COL6A3: variants seen among roughly 807,000 people sequenced by gnomAD.
COL6A3 encodes collagen type VI alpha 3 chain, also known as collagen alpha-3(VI) chain.
Under a neutral mutation model 274.1 loss-of-function variants are expected in COL6A3, and 137 were observed. That is an observed-to-expected ratio of 0.50 (90% confidence interval 0.44 to 0.58). The LOEUF (loss-of-function observed/expected upper bound fraction) is 0.58. Among genes scored for constraint, COL6A3 ranks in the 20% least tolerant of loss-of-function variants. The probability of loss-of-function intolerance (pLI) is 0.00; values close to 1 mark genes in which losing one functional copy is unlikely to be tolerated. For missense variants in COL6A3, 3,950 were observed against 4,124.9 expected, an observed-to-expected ratio of 0.96 and a Z score of 1.16; for synonymous variants, 1,650 against 1,650.6, an observed-to-expected ratio of 1.00 and a Z score of 0.01.
chr2:237,395,687 G>A (rs1477884677), intron 2 of COL6A3, among the ~76,000 whole-genome samples: 3 of 152,202 alleles, frequency 2.0e-5, no homozygotes, highest in African/African-American at 7.2e-5. Context: ...AATGCTTTGG[G>A]TAATTTGCGT....
chr2:237,335,790 T>C (rs1014606747), intron 40 of COL6A3, among the ~76,000 whole-genome samples: 1 of 152,204 alleles, frequency 6.6e-6, no homozygotes, highest in African/African-American at 2.4e-5. Context: ...TTTCTTTCTG[T>C]CTCTCTCACT....
At chr2:237,342,708 A>C (rs12105619) in intron 36 of COL6A3, 2,590 of 158,316 alleles carry the variant, frequency 0.016, 80 homozygotes, top group African/African-American at 0.057. Context: ...ATAATTAATG[A>C]ATGAACAATT....
intron 32 of COL6A3, among the ~76,000 whole-genome samples, chr2:237,345,822 A>G (rs551458380): frequency 6.6e-6 from 1 of 152,292 alleles, no homozygotes; most frequent in South Asian, 2.1e-4. Flanking sequence ...CTACTTAAAG[A>G]CAGCAATCAG....
At chr2:237,334,195 G>A (rs750863328) in intron 41 of COL6A3, among the ~76,000 whole-genome samples, 3 of 152,168 alleles carry the variant, frequency 2.0e-5, no homozygotes, top group East Asian at 1.9e-4. Flanking sequence ...CCCCCGGGGC[G>A]GTGAGACTTC....
rs762465902 is a variant in COL6A3, at chr2:237,368,618, G to A, written c.4845C>T (p.Pro1615=). ...CTGGAGGTGCAGGAGTGGCTGCGGA[G>A]GGTCCAAACGAGTTCATGATTCTTT... ...IEERIMNSFG[P]SAATPAPPGV... Residue 1615 remains proline (P), a synonymous_variant, in exon 10 of 44, where the codon CCC becomes CCT. Transcript: ENST00000295550. This position sits in a 1 kb window ranked among gnomAD's most constrained non-coding sequence, Gnocchi z 4.4. 3.1e-6 allele frequency: 5 copies of A among 1,614,136 alleles called. No homozygotes were observed. The highest frequency in any genetic ancestry group is 1.1e-5 in the South Asian group (1 of 91,072).
Position 237,372,261 on chromosome 2 carries a change from G to A in COL6A3, c.3756C>T (p.Arg1252=). ...QSAGPEFQYV[R]TLIERLVDYL... ...AGTCAACCAGCCTCTCTATGAGGGT[G>A]CGAACGTACTGGAACTCAGGCCCGG... The change falls in exon 9 of 44, where the codon CGC becomes CGT. Residue 1252 remains arginine, a synonymous_variant. Coordinates refer to ENST00000295550, the MANE Select transcript of COL6A3 (RefSeq NM_004369.4). 6.2e-7 allele frequency: 1 copy of A among 1,613,782 alleles called. No homozygotes were observed. The highest frequency in any genetic ancestry group is 8.5e-7 in the Non-Finnish European group (1 of 1,180,048).
rs2078458163 is a variant in COL6A3, at chr2:237,396,981, A to C, written c.-30-134T>G. ...TTGTATCTGATTCATTCTTTGAACC[A>C]GCAGCAAAAGGATGGATGATAGACA... is the stretch of plus-strand genomic sequence containing the variant. On this transcript the variant is annotated intron_variant, in intron 1 of 43. Coordinates refer to ENST00000295550, the MANE Select transcript of COL6A3 (RefSeq NM_004369.4). 6.0e-6 allele frequency: 4 copies of C among 661,856 alleles called. No individual in the cohort carries two copies. The East Asian group carries it at 1.1e-4, about 18-fold the overall frequency. The allele number at this position is 661,856 out of a possible 1,614,324, so 41.0% of individuals were successfully genotyped here. A position where few individuals can be genotyped will look rare whatever the true frequency, so the allele number is the denominator to read the frequency against.
In COL6A3 at chr2:237,413,741, A is replaced by G. The variant is rs1221432939; in HGVS notation, c.-31+212T>C. 6.6e-6 allele frequency among the ~76,000 whole-genome samples: 1 copy of G among 152,196 alleles called. No individual in the cohort carries two copies. The highest frequency in any genetic ancestry group is 1.5e-5 in the Non-Finnish European group (1 of 68,030). Reference sequence around the variant, plus strand: ...GGAAAAGTGCTCACACTCTTAGGCAATCATGACCTTAACCAATTTAAGGAA... The same window carrying G: ...GGAAAAGTGCTCACACTCTTAGGCAGTCATGACCTTAACCAATTTAAGGAA... On this transcript the variant is annotated intron_variant, in intron 1 of 43. Transcript: ENST00000295550. The surrounding 1 kb of genome is among the most constrained non-coding windows in gnomAD (Gnocchi z 4.0).
chr2:237,363,352 C>T lies in COL6A3; in HGVS notation c.5964G>A (p.Leu1988=). The change falls in exon 14 of 44, where the codon TTG becomes TTA. Residue 1988 remains leucine (L), a synonymous_variant. Coordinates refer to ENST00000295550, the MANE Select transcript of COL6A3 (RefSeq NM_004369.4). ...ILVGLERVVN[L]ERLMHLEFGR... ...CAAACTCCAGATGCATTAGCCGCTC[C>T]AAGTTGACCACTCGTTCAAGGCCCA... 1 of 1,614,160 alleles carries T rather than the reference C, an allele frequency of 6.2e-7. No homozygotes were observed. Among genetic ancestry groups the T allele is most frequent in the Non-Finnish European group, 8.5e-7 (1 of 1,180,048 alleles).
intron 17 of COL6A3, 119 bp downstream of exon 17, chr2:237,359,969 G>A (rs556662923): frequency 2.0e-6 from 2 of 1,014,936 alleles, no homozygotes; most frequent in Non-Finnish European, 3.1e-6. Context: ...GAGGTCACGG[G>A]CTGCTGAATG....
chr2:237,385,207 C>A (rs1205483495), intron 4 of COL6A3, among the ~76,000 whole-genome samples: 1 of 152,188 alleles, frequency 6.6e-6, no homozygotes, highest in Non-Finnish European at 1.5e-5. Flanking sequence ...TCCCCATTAT[C>A]CTGTAACAGA....
intron 42 of COL6A3, chr2:237,326,732 T>C (rs1260228576): frequency 6.6e-6 from 1 of 152,342 alleles, no homozygotes; most frequent in Middle Eastern, 3.4e-3. Context: ...CTTCTCCATC[T>C]CCTTTGTCCC....
At chr2:237,392,151 A>G (rs2078305101) in intron 3 of COL6A3, among the ~76,000 whole-genome samples, 1 of 152,216 alleles carries the variant, frequency 6.6e-6, no homozygotes, top group South Asian at 2.1e-4. Context: ...CAGCCCCGTT[A>G]AAGCTGAAAT....
rs1189511183 is a variant in COL6A3 at position 237,380,909 on chromosome 2, C to T, written c.1897+6G>A. 3 of 1,613,022 alleles carry T rather than the reference C, an allele frequency of 1.9e-6. No homozygotes were observed. The highest frequency in any genetic ancestry group is 2.5e-6 in the Non-Finnish European group (3 of 1,179,520). ...CATTGTGTGTCTGAAGCCATCACCA[C>T]CATACCTTCAGGGGTTCCAGAGAGG... On this transcript the variant is annotated splice_donor_region_variant and intron_variant, in intron 5 of 43. Coordinates refer to ENST00000295550, the MANE Select transcript of COL6A3 (RefSeq NM_004369.4).
chr2:237,327,508 A>C (rs1388929312), intron 42 of COL6A3: 1 of 152,236 alleles, frequency 6.6e-6, no homozygotes, highest in Non-Finnish European at 1.5e-5. Context: ...CCAGTTCCAC[A>C]CCACGGCACT....
chr2:237,388,225 A>C (rs2078203727), intron 3 of COL6A3, 41 bp from the exon 4 acceptor site: 1 of 1,612,146 alleles, frequency 6.2e-7, no homozygotes, highest in Non-Finnish European at 8.5e-7. Context: ...AAGCATTAGA[A>C]CAAGTGACCA....
intron 39 of COL6A3, 62 bp from the exon 40 acceptor site, chr2:237,336,594 T>C (rs1700566405): frequency 9.0e-6 from 14 of 1,559,946 alleles, no homozygotes; most frequent in Non-Finnish European, 1.2e-5. Context: ...AATAAAGACA[T>C]AACCCCATGA....
Position 237,336,348 on chromosome 2 carries a change from C to T in COL6A3, c.8752G>A (p.Val2918Met). The T allele has an allele frequency of 2.5e-6, 4 of 1,613,568 alleles. No homozygotes were observed. In the South Asian group the frequency reaches 3.3e-5, roughly 13 times the overall value. The change falls in exon 40 of 44, where the codon GTG becomes ATG. Residue 2918 changes from valine to methionine, a missense_variant. Transcript: ENST00000295550. ...TTTGTGGCCACAGGCTTGGCAGCCACAGGTTTCGCAGGGGCCGGCTTTGCA... is the reference window on the plus strand; with the variant it reads ...TTTGTGGCCACAGGCTTGGCAGCCATAGGTTTCGCAGGGGCCGGCTTTGCA... The part of the protein sequence containing the change: ...AAAKPAPAKP[V>M]AAKPVATKMA...
chr2:237,351,147 C>A lies in COL6A3; in HGVS notation c.6799G>T (p.Gly2267Cys), dbSNP rs749855513. ...AGACAAACCTTTCTTCCCAGTGGACCGGTTCTGCCTCGTTCTCCAGGAGCA... is the reference window on the plus strand; with the variant it reads ...AGACAAACCTTTCTTCCCAGTGGACAGGTTCTGCCTCGTTCTCCAGGAGCA... The part of the protein sequence containing the change: ...AGAPGERGRT[G>C]PLGRKGEPGE... Residue 2267 changes from glycine (G) to cysteine (C), a missense_variant, in exon 27 of 44, where the codon GGT (glycine) becomes TGT (cysteine). Gly to Cys is a radical substitution (Grantham distance 159). This residue lies in a region of COL6A3 where 1,284 missense variants were observed against 1,349.7 expected (regional missense o/e 0.95). Transcript: ENST00000295550. The A allele has an allele frequency of 6.2e-7, 1 of 1,614,210 alleles. No homozygotes were observed.
Sources: allele counts gnomAD v4.1 joint callset (sites outside exome capture counted in the v4.1 genomes callset), GRCh38; gene constraint gnomAD v4.1.1; regional missense constraint gnomAD v4.1.1; non-coding constraint Gnocchi (gnomAD v3.1); transcripts MANE v1.5; gene names NCBI Gene and HGNC (gene_info 2026-07-23, HGNC 2026-07-21).